Variants in CCDC33 observed in about 807,000 individuals in gnomAD.
CCDC33 encodes the protein coiled-coil domain-containing protein 33.
In CCDC33, 94 loss-of-function variants were observed where a neutral mutation model predicts 91.9. The ratio of observed to expected loss-of-function variants is 1.02; its 90% CI spans 0.87 to 1.21. CCDC33 has a LOEUF of 1.21. CCDC33 is among the 50% of genes most tolerant of loss of function. The pLI is 0.00. For missense variants in CCDC33, 940 were observed against 935.5 expected (o/e 1.00, Z -0.06); for synonymous variants, 396 against 374.5 (o/e 1.06, Z -0.66).
exon 1 of CCDC33, chr15:74,217,469 T>C: frequency 7.8e-7 from 1 of 1,289,746 alleles, no homozygotes; most frequent in Non-Finnish European, 1.0e-6. Flanking sequence ...TGCAAGTGAA[T>C]GATGGGGACC....
intron 2 of CCDC33, among the ~76,000 whole-genome samples, chr15:74,251,985 A>C (rs2075724537): frequency 6.6e-6 from 1 of 152,168 alleles, no homozygotes; most frequent in South Asian, 2.1e-4. Flanking sequence ...TAATTGAGGT[A>C]TAATATTATC....
intron 16 of CCDC33, chr15:74,333,194 G>A: frequency 2.0e-6 from 3 of 1,531,068 alleles, no homozygotes; most frequent in Non-Finnish European, 2.7e-6. Flanking sequence ...TCTTGGTGCA[G>A]CCTTGGAGAG....
rs2076235044 is a variant in CCDC33, at chr15:74,268,602, C to G, written c.546+144C>G. 6 of 612,168 alleles carry G rather than the reference C, an allele frequency of 9.8e-6. No homozygotes were observed. In the East Asian group the frequency reaches 1.7e-4, roughly 17 times the overall value. The allele number at this position is 612,168 out of a possible 1,614,324, so 37.9% of individuals were successfully genotyped here. A position where few individuals can be genotyped will look rare whatever the true frequency, so the allele number is the denominator to read the frequency against. On this transcript the variant is annotated intron_variant, in intron 5 of 18. Coordinates refer to ENST00000398814, the MANE Select transcript of CCDC33 (RefSeq NM_025055.5). ...GTCAAGAATGGAAAAAGCAACCAGG[C>G]CTTTCCAAAATAGCAAAAGGAGTTG...
rs201740638 is a variant in CCDC33, at chr15:74,280,733, C to T, written c.955C>T (p.Arg319Cys). The T allele has an allele frequency of 4.4e-4, 695 of 1,576,194 alleles. No homozygotes were observed. Among genetic ancestry groups the T allele is most frequent in the Non-Finnish European group, 5.6e-4 (655 of 1,161,056 alleles). ...CATCTCTGTGTTGCCGCTAAAGAGC[C>T]GTTTGTACCAGAAGATGCTGACAGG... ...LGISVLPLKS[R>C]LYQKMLTGKG... is the part of the protein sequence containing the mutation. Residue 319 changes from arginine (R) to cysteine (C), a missense_variant, in exon 9 of 19, where the codon CGT (arginine) becomes TGT (cysteine). By Grantham distance (180) the Arg-to-Cys change is radical (BLOSUM62 -3). Coordinates refer to ENST00000398814, the MANE Select transcript of CCDC33 (RefSeq NM_025055.5).
At chr15:74,241,295 T>G (rs528100331) in intron 1 of CCDC33, among the ~76,000 whole-genome samples, 17 of 152,246 alleles carry the variant, frequency 1.1e-4, no homozygotes, top group African/African-American at 4.1e-4. Flanking sequence ...CACCTCCTAA[T>G]TAGCCATCTT....
At chr15:74,323,564 A>G (rs1025728382) in intron 11 of CCDC33, among the ~76,000 whole-genome samples, 2 of 151,606 alleles carry the variant, frequency 1.3e-5, no homozygotes, top group African/African-American at 4.9e-5. Context: ...GTCTTGCTCT[A>G]TCACCCAGGC....
intron 10 of CCDC33, among the ~76,000 whole-genome samples, chr15:74,287,513 A>G (rs2930849): frequency 0.61 from 92,005 of 151,698 alleles, 33,118 homozygotes; most frequent in Non-Finnish European, 0.82. Flanking sequence ...CCATCCAAAG[A>G]AAACTTAGAG....
At position 74,236,739 on chromosome 15, in the gene CCDC33, AG is replaced by A. The variant is rs1475953424; in HGVS notation, c.21+1del. 1.2e-6 allele frequency: 2 copies of A among 1,613,896 alleles called. No individual in the cohort carries two copies. The highest frequency in any genetic ancestry group is 1.7e-6 in the Non-Finnish European group (2 of 1,179,852). MGLKNK[K>X]NTEDPEEPLI... is the part of the protein sequence containing the mutation. ...AAGAGGATGGGACTGAAAAACAAAAAGGTAAGGCCAGGGGCATGGGCCATGC... is the reference window on the plus strand; with the variant it reads ...AAGAGGATGGGACTGAAAAACAAAAAGTAAGGCCAGGGGCATGGGCCATGC... On this transcript the variant is annotated frameshift_variant and splice_region_variant, in exon 1 of 19. Coordinates refer to ENST00000398814, the MANE Select transcript of CCDC33 (RefSeq NM_025055.5). LOFTEE classifies it high-confidence loss of function.
chr15:74,239,903 C>T lies in CCDC33; in HGVS notation c.21+3163C>T, dbSNP rs755944185. On this transcript the variant is annotated intron_variant, in intron 1 of 18. Coordinates refer to ENST00000398814, the MANE Select transcript of CCDC33 (RefSeq NM_025055.5). The stretch of plus-strand genomic sequence containing the variant: ...GTATATGCATTTTCTGTTCCCTCAT[C>T]AATCCTCTAGTGCAGGCCAGGGGTA... Among the ~76,000 whole-genome samples, 3 of 152,264 alleles carry T rather than the reference C, an allele frequency of 2.0e-5. No homozygotes were observed. The South Asian group carries it at 6.2e-4, about 31-fold the overall frequency.
intron 2 of CCDC33, among the ~76,000 whole-genome samples, chr15:74,231,248 G>A (rs2142197371): frequency 6.6e-6 from 1 of 152,338 alleles, no homozygotes; most frequent in South Asian, 2.1e-4. Context: ...AGCTACATTA[G>A]TGATAGAGTC....
intron 11 of CCDC33, among the ~76,000 whole-genome samples, chr15:74,326,901 G>A (rs757893701): frequency 1.8e-4 from 28 of 152,208 alleles, no homozygotes; most frequent in Admixed American, 6.5e-5. Context: ...CGCAGAGCAT[G>A]GCCCTGGGGG....
chr15:74,286,902 CT>C (rs1472018800), intron 10 of CCDC33, among the ~76,000 whole-genome samples: 1 of 152,166 alleles, frequency 6.6e-6, no homozygotes, highest in Non-Finnish European at 1.5e-5. Context: ...GACCTTCCCC[CT>C]CCCTCTTCCC....
intron 11 of CCDC33, among the ~76,000 whole-genome samples, chr15:74,296,955 G>GCC (rs1320866738): frequency 6.6e-6 from 1 of 152,168 alleles, no homozygotes; most frequent in East Asian, 1.9e-4. Context: ...TTGAGAAAAG[G>GCC]CCCCAGACAA....
intron 7 of CCDC33, among the ~76,000 whole-genome samples, chr15:74,278,144 T>A (rs1297011670): frequency 6.6e-6 from 1 of 152,208 alleles, no homozygotes; most frequent in Non-Finnish European, 1.5e-5. Flanking sequence ...TGTTCAGGTG[T>A]CCAGGGCACC....
intron 2 of CCDC33, among the ~76,000 whole-genome samples, chr15:74,222,781 C>G (rs1468302144): frequency 6.8e-6 from 1 of 146,968 alleles, no homozygotes; most frequent in African/African-American, 2.5e-5. Flanking sequence ...CCCCTACCCC[C>G]ATCCCACCCC....
At chr15:74,292,027 A>C (rs1440491837) in intron 10 of CCDC33, among the ~76,000 whole-genome samples, 1 of 152,216 alleles carries the variant, frequency 6.6e-6, no homozygotes, top group East Asian at 1.9e-4. Flanking sequence ...GTCAATCTCC[A>C]ATTATAGTCT....
At chr15:74,327,041 G>A (rs1452025628) in intron 11 of CCDC33, among the ~76,000 whole-genome samples, 1 of 152,160 alleles carries the variant, frequency 6.6e-6, no homozygotes, top group Non-Finnish European at 1.5e-5. Context: ...AGGGAAAGCA[G>A]GTCCTTCAGT....
Position 74,323,449 on chromosome 15 carries a change from C to A in CCDC33, c.1291-6740C>A, listed in dbSNP as rs151233852. On this transcript the variant is annotated intron_variant, in intron 11 of 18. Transcript: ENST00000398814. The stretch of plus-strand genomic sequence containing the variant: ...CTCACGCCCCTCATGCCCCTCCCAG[C>A]CACACCCCTCCTCTCCTGGATGTAA... Among the ~76,000 whole-genome samples, 750 of 152,198 alleles carry A rather than the reference C, an allele frequency of 4.9e-3. 9 individuals carry two copies. The highest frequency in any genetic ancestry group is 0.017 in the African/African-American group (724 of 41,526).
At chr15:74,277,793 G>A (rs575870558) in intron 7 of CCDC33, among the ~76,000 whole-genome samples, 6 of 152,290 alleles carry the variant, frequency 3.9e-5, no homozygotes, top group East Asian at 1.9e-4. Flanking sequence ...TTATTGGGCC[G>A]GCAGCCACTC....
Sources: allele counts gnomAD v4.1 joint callset (sites outside exome capture counted in the v4.1 genomes callset), GRCh38; gene constraint gnomAD v4.1.1; transcripts MANE v1.5; gene names NCBI Gene and HGNC (gene_info 2026-07-23, HGNC 2026-07-21).